Variants in OPCML observed in about 807,000 individuals in gnomAD.
OPCML encodes the protein opioid binding protein/cell adhesion molecule like, also known as opioid-binding protein/cell adhesion molecule.
Under a neutral mutation model 37.8 loss-of-function variants are expected in OPCML, and 13 were observed. The ratio of observed to expected loss-of-function variants is 0.34; its 90% confidence interval spans 0.22 to 0.55. OPCML has a LOEUF of 0.55. Among genes scored for constraint, OPCML ranks in the 20% least tolerant of loss-of-function variants. OPCML has a pLI of 0.91. For synonymous variants in OPCML, 176 were observed against 168.8 expected, an observed-to-expected ratio of 1.04 and a Z score of -0.33; for missense variants, 341 against 435.6, an observed-to-expected ratio of 0.78 and a Z score of 1.93.
chr11:133,029,934 C>T (rs1947635023), intron 1 of OPCML, among the ~76,000 whole-genome samples: 1 of 152,112 alleles, frequency 6.6e-6, no homozygotes, highest in South Asian at 2.1e-4. Flanking sequence ...CTTCATCTTA[C>T]AGAGGAGGGA....
intron 1 of OPCML, among the ~76,000 whole-genome samples, chr11:133,131,138 T>C (rs1046271185): frequency 3.9e-5 from 6 of 152,138 alleles, no homozygotes; most frequent in African/African-American, 9.7e-5. Context: ...AAGATGGCTG[T>C]CTGTGAACCA....
chr11:133,005,393 C>T, intron 1 of OPCML: 4 of 985,330 alleles, frequency 4.1e-6, no homozygotes, highest in Non-Finnish European at 4.8e-6. Context: ...TATCTGTCTA[C>T]ATTAATGCTT....
intron 1 of OPCML, among the ~76,000 whole-genome samples, chr11:133,057,583 G>A (rs939798063): frequency 1.8e-4 from 28 of 152,146 alleles, no homozygotes; most frequent in African/African-American, 6.8e-4. Flanking sequence ...CCCAGCTCCT[G>A]TCAGGCAGCT....
chr11:132,450,678 C>A (rs1282821932), intron 4 of OPCML, among the ~76,000 whole-genome samples: 1 of 151,976 alleles, frequency 6.6e-6, no homozygotes. Context: ...TGCACATACA[C>A]AGACAGACAC....
At chr11:132,792,767 C>T (rs566407279) in intron 2 of OPCML, among the ~76,000 whole-genome samples, 2 of 152,302 alleles carry the variant, frequency 1.3e-5, no homozygotes, top group South Asian at 4.1e-4. Flanking sequence ...TCACATTCAG[C>T]TGAGTGCAAG....
At chr11:133,278,879 A>G (rs1942064254) in intron 1 of OPCML, among the ~76,000 whole-genome samples, 1 of 152,214 alleles carries the variant, frequency 6.6e-6, no homozygotes, top group Admixed American at 6.5e-5. Context: ...TCTCCATTTT[A>G]CAGATGAGAA....
chr11:133,011,406 C>T (rs570069384), intron 1 of OPCML, among the ~76,000 whole-genome samples: 3 of 152,264 alleles, frequency 2.0e-5, no homozygotes, highest in South Asian at 4.1e-4. Flanking sequence ...ATAATACCCA[C>T]GGGGAACCCT....
At chr11:132,591,719 G>C (rs1460023202) in intron 3 of OPCML, among the ~76,000 whole-genome samples, 6 of 152,202 alleles carry the variant, frequency 3.9e-5, no homozygotes, top group Non-Finnish European at 8.8e-5. Context: ...AAATAAATGA[G>C]ACGTTACGTA....
intron 1 of OPCML, among the ~76,000 whole-genome samples, chr11:133,159,774 T>C (rs1950116804): frequency 6.6e-6 from 1 of 152,172 alleles, no homozygotes; most frequent in Admixed American, 6.5e-5. Flanking sequence ...AGCTGCAAAA[T>C]AAGCACAAGA....
chr11:133,428,372 G>C (rs1026673024), intron 1 of OPCML, among the ~76,000 whole-genome samples: 17 of 152,168 alleles, frequency 1.1e-4, no homozygotes, highest in Admixed American at 9.8e-4. Flanking sequence ...CTCTGCAGAA[G>C]TTTTAGGCAA....
chr11:132,840,967 C>T (rs1941261435), intron 2 of OPCML, among the ~76,000 whole-genome samples: 1 of 152,098 alleles, frequency 6.6e-6, no homozygotes, highest in Non-Finnish European at 1.5e-5. Flanking sequence ...TGGGACACTG[C>T]CTCTCAGGGG....
At chr11:132,421,514 GA>G (rs2095959024) in intron 7 of OPCML, among the ~76,000 whole-genome samples, 1 of 152,202 alleles carries the variant, frequency 6.6e-6, no homozygotes, top group Non-Finnish European at 1.5e-5. Flanking sequence ...AGGAGGGACT[GA>G]TGGGAACATT....
intron 2 of OPCML, chr11:132,810,716 A>T (rs1224179865): frequency 6.6e-6 from 1 of 152,144 alleles, no homozygotes; most frequent in African/African-American, 2.4e-5. Context: ...AGAAAATACC[A>T]AAGAGTGATG....
chr11:132,588,224 C>A (rs948750598), intron 3 of OPCML, among the ~76,000 whole-genome samples: 1 of 152,040 alleles, frequency 6.6e-6, no homozygotes, highest in Non-Finnish European at 1.5e-5. Flanking sequence ...CCTGGGGCAG[C>A]TTTTGATGTC....
intron 1 of OPCML, among the ~76,000 whole-genome samples, chr11:133,188,810 G>A (rs909493884): frequency 6.6e-5 from 10 of 150,568 alleles, no homozygotes; most frequent in Non-Finnish European, 1.5e-4. Flanking sequence ...TAGATCTCAC[G>A]TAGCTAGTAT....
intron 1 of OPCML, among the ~76,000 whole-genome samples, chr11:132,949,820 T>C (rs778436272): frequency 3.5e-4 from 53 of 152,186 alleles, no homozygotes; most frequent in Admixed American, 2.6e-4. Context: ...GTGTAAGCAG[T>C]GTTGAAGGAG....
At chr11:132,554,317 T>A (rs1591542613) in intron 3 of OPCML, among the ~76,000 whole-genome samples, 1 of 152,224 alleles carries the variant, frequency 6.6e-6, no homozygotes, top group South Asian at 2.1e-4. Context: ...GGCTCCCACA[T>A]CGCCCTAAAG....
chr11:132,783,477 T>TC (rs767567614), intron 2 of OPCML, among the ~76,000 whole-genome samples: 11 of 152,182 alleles, frequency 7.2e-5, no homozygotes, highest in Non-Finnish European at 1.6e-4. Context: ...TTCTTGGTTT[T>TC]CCTAGGTGGC....
intron 7 of OPCML, among the ~76,000 whole-genome samples, chr11:132,431,854 T>A (rs1291354834): frequency 6.6e-6 from 1 of 152,172 alleles, no homozygotes; most frequent in African/African-American, 2.4e-5. Flanking sequence ...TACAAATGCA[T>A]GCCTGCAGAT....
Sources: gnomAD v4.1 joint callset for allele counts (sites outside exome capture counted in the v4.1 genomes callset) on GRCh38, gnomAD v4.1.1 for gene constraint, MANE v1.5 for transcripts, NCBI Gene and HGNC (gene_info 2026-07-23, HGNC 2026-07-21) for gene names.